CHRM3: variants seen among roughly 807,000 people sequenced by gnomAD.
The protein encoded by CHRM3 is muscarinic acetylcholine receptor M3.
A neutral mutation model predicts 41.8 loss-of-function variants in CHRM3; 11 were observed. The ratio of observed to expected loss-of-function variants is 0.26; its 90% confidence interval spans 0.17 to 0.44. The LOEUF (loss-of-function observed/expected upper bound fraction) is 0.44, where lower values mean the gene tolerates loss of function less well. CHRM3 is among the 20% of genes least tolerant of loss of function. The pLI is 1.00. For synonymous variants in CHRM3, 297 were observed against 301.4 expected (o/e 0.99, Z 0.15); for missense variants, 571 against 745.4 (o/e 0.77, Z 2.72).
chr1:239,416,655 G>A (rs1419579355), intron 1 of CHRM3, among the ~76,000 whole-genome samples: 1 of 152,136 alleles, frequency 6.6e-6, no homozygotes, highest in Non-Finnish European at 1.5e-5. Context: ...TTAAAGAAGT[G>A]TCAGGTTTAA....
chr1:239,770,593 G>A (rs1191610558), intron 5 of CHRM3, among the ~76,000 whole-genome samples: 13 of 152,118 alleles, frequency 8.5e-5, no homozygotes, highest in Admixed American at 7.2e-4. Context: ...GGGGAATGAA[G>A]GAAAGGACTG....
chr1:239,602,268 A>C (rs1295966486), intron 3 of CHRM3, among the ~76,000 whole-genome samples: 1 of 151,814 alleles, frequency 6.6e-6, no homozygotes, highest in African/African-American at 2.4e-5. Flanking sequence ...CCGAGTAATA[A>C]AAATTCATTC....
rs377549522 is a variant in CHRM3 at position 239,598,355 on chromosome 1, T to A, written c.-312-33869T>A. On this transcript the variant is annotated intron_variant, in intron 3 of 6. Coordinates refer to ENST00000676153, the MANE Select transcript of CHRM3 (RefSeq NM_001375978.1). ...ATCTAGAATGTTCCCTGAGATGAAA[T>A]CGTACTCATTACATTTATAGTCTTA... Among the ~76,000 whole-genome samples, 4 of 152,232 alleles carry A rather than the reference T, an allele frequency of 2.6e-5. No homozygotes were observed. In the South Asian group the frequency reaches 8.3e-4, roughly 32 times the overall value.
intron 1 of CHRM3, among the ~76,000 whole-genome samples, chr1:239,457,749 T>C (rs1054950981): frequency 2.6e-5 from 4 of 152,210 alleles, no homozygotes; most frequent in African/African-American, 9.7e-5. Flanking sequence ...CAAGAAGTGA[T>C]ACATTTGTTA....
At chr1:239,848,500 G>A (rs1164177819) in intron 6 of CHRM3, among the ~76,000 whole-genome samples, 1 of 151,992 alleles carries the variant, frequency 6.6e-6, no homozygotes, top group Non-Finnish European at 1.5e-5. Flanking sequence ...GTATTGTGAA[G>A]TGATCTATAT....
chr1:239,891,044 G>A (rs1004260130), intron 6 of CHRM3, among the ~76,000 whole-genome samples: 8 of 152,070 alleles, frequency 5.3e-5, no homozygotes, highest in South Asian at 4.1e-4. Context: ...AGGTGTACGC[G>A]GACAGTTTGC....
Position 239,585,052 on chromosome 1 carries a change from A to AATATATAT in CHRM3, c.-313+39318_-313+39325dup, listed in dbSNP as rs71567251. ...CCATTCTTCAGGTGAGCAACAATTA[A>AATATATAT]ATATATATATATATATATATATGTA... On this transcript the variant is annotated intron_variant, in intron 3 of 6. Coordinates refer to ENST00000676153, the MANE Select transcript of CHRM3 (RefSeq NM_001375978.1). 2.7e-4 allele frequency among the ~76,000 whole-genome samples: 39 copies of AATATATAT among 144,802 alleles called. No individual in the cohort carries two copies. In the Middle Eastern group the frequency reaches 0.011, roughly 40 times the overall value. 95.0% of individuals were successfully genotyped at this position (144,802 alleles called of 152,430 possible).
At chr1:239,482,987 G>A (rs369199406) in intron 1 of CHRM3, among the ~76,000 whole-genome samples, 1 of 152,014 alleles carries the variant, frequency 6.6e-6, no homozygotes, top group African/African-American at 2.4e-5. Context: ...CGTGCTATTC[G>A]CTTCTGATTT....
intron 5 of CHRM3, among the ~76,000 whole-genome samples, chr1:239,776,162 A>G (rs987941225): frequency 6.6e-6 from 1 of 152,158 alleles, no homozygotes; most frequent in Non-Finnish European, 1.5e-5. Context: ...ACTCTCATAG[A>G]TGCATAATAC....
At chr1:239,680,580 A>G (rs61834818) in intron 5 of CHRM3, among the ~76,000 whole-genome samples, 32,638 of 152,018 alleles carry the variant, frequency 0.21, 4,657 homozygotes, top group East Asian at 0.52. Context: ...TGACACTACG[A>G]TAAGATTAAT....
At chr1:239,794,404 G>A (rs377479476) in intron 5 of CHRM3, among the ~76,000 whole-genome samples, 3 of 55,874 alleles carry the variant, frequency 5.4e-5, no homozygotes, top group Non-Finnish European at 1.2e-4. Flanking sequence ...TTTTTTTTTT[G>A]TCTTTTTTCC....
chr1:239,814,664 A>G (rs1361207712), intron 5 of CHRM3, among the ~76,000 whole-genome samples: 2 of 152,230 alleles, frequency 1.3e-5, no homozygotes, highest in Non-Finnish European at 2.9e-5. Context: ...CACACACAGA[A>G]GTCCTATAAA....
chr1:239,481,315 C>T (rs926835194), intron 1 of CHRM3, among the ~76,000 whole-genome samples: 8 of 152,146 alleles, frequency 5.3e-5, no homozygotes, highest in East Asian at 1.9e-4. Context: ...TTTCGGAAGA[C>T]GTATTTTAGA....
chr1:239,675,393 T>C (rs1657898563), intron 4 of CHRM3, among the ~76,000 whole-genome samples: 1 of 152,192 alleles, frequency 6.6e-6, no homozygotes, highest in Non-Finnish European at 1.5e-5. Context: ...ATTTGTTGCA[T>C]CCTACCCAAG....
intron 1 of CHRM3, among the ~76,000 whole-genome samples, chr1:239,489,001 T>G (rs533859783): frequency 1.1e-4 from 16 of 152,164 alleles, no homozygotes; most frequent in Non-Finnish European, 2.1e-4. Context: ...TCAGCTATAT[T>G]TATATGCTAC....
At chr1:239,606,660 C>T (rs891934440) in intron 3 of CHRM3, among the ~76,000 whole-genome samples, 3 of 152,152 alleles carry the variant, frequency 2.0e-5, no homozygotes, top group East Asian at 1.9e-4. Context: ...TTTAAGACTG[C>T]GAAGAGATCC....
intron 1 of CHRM3, chr1:239,408,366 A>AC (rs1356767199): frequency 6.6e-6 from 1 of 152,084 alleles, no homozygotes; most frequent in Non-Finnish European, 1.5e-5. Context: ...CTAAAAAAAT[A>AC]CAAAAGAATT....
At chr1:239,451,342 A>G (rs369144993) in intron 1 of CHRM3, among the ~76,000 whole-genome samples, 2 of 152,256 alleles carry the variant, frequency 1.3e-5, no homozygotes, top group Admixed American at 6.5e-5. Flanking sequence ...TTATCAGACA[A>G]TACCAAGCGT....
intron 5 of CHRM3, among the ~76,000 whole-genome samples, chr1:239,755,922 C>T (rs570974510): frequency 6.9e-4 from 105 of 152,130 alleles, no homozygotes; most frequent in Non-Finnish European, 1.3e-3. Context: ...ACAGGGAATA[C>T]AAAGAAAAAA....
Sources: gnomAD v4.1 joint callset for allele counts (sites outside exome capture counted in the v4.1 genomes callset) on GRCh38, gnomAD v4.1.1 for gene constraint, MANE v1.5 for transcripts, NCBI Gene and HGNC (gene_info 2026-07-23, HGNC 2026-07-21) for gene names.